CERS3: variants seen among roughly 807,000 people sequenced by gnomAD.
The protein encoded by CERS3 is LAG1 homolog, ceramide synthase 3.
In CERS3, 33 loss-of-function variants were observed where a neutral mutation model predicts 50.3. That is an observed-to-expected ratio of 0.66 (90% CI 0.50 to 0.88). The LOEUF (loss-of-function observed/expected upper bound fraction) is 0.88. Among genes scored for constraint, CERS3 ranks in the 40% least tolerant of loss-of-function variants. The probability of loss-of-function intolerance (pLI) is 0.00; values close to 1 mark genes in which losing one functional copy is unlikely to be tolerated. For missense variants in CERS3, 470 were observed against 460.3 expected (o/e 1.02, Z -0.19); for synonymous variants, 176 against 155.2 (o/e 1.13, Z -0.99).
chr15:100,413,279 T>C (rs550190347), intron 11 of CERS3, among the ~76,000 whole-genome samples: 1 of 152,270 alleles, frequency 6.6e-6, no homozygotes, highest in East Asian at 1.9e-4. Context: ...AAAAATTCTC[T>C]GGGATTTTAA....
chr15:100,472,794 G>C (rs2035009088), intron 9 of CERS3, 130 bp downstream of exon 9: 1 of 1,020,616 alleles, frequency 9.8e-7, no homozygotes, highest in East Asian at 2.4e-5. Context: ...TGGGAATCTA[G>C]AGATATTCTC....
chr15:100,444,040 C>A (rs2142162118), intron 11 of CERS3, among the ~76,000 whole-genome samples: 1 of 152,272 alleles, frequency 6.6e-6, no homozygotes, highest in South Asian at 2.1e-4. Flanking sequence ...AGCTGAAGTG[C>A]AGGGCTGTGC....
At chr15:100,506,939 G>A (rs1004278787) in intron 2 of CERS3, among the ~76,000 whole-genome samples, 2 of 152,156 alleles carry the variant, frequency 1.3e-5, no homozygotes, top group African/African-American at 4.8e-5. Flanking sequence ...TGCATGGTAT[G>A]TAAATTATAC....
At chr15:100,410,203 G>A (rs2031372146) in intron 11 of CERS3, among the ~76,000 whole-genome samples, 1 of 152,020 alleles carries the variant, frequency 6.6e-6, no homozygotes, top group Admixed American at 6.6e-5. Context: ...ACTCCCTTTG[G>A]TTACACAAAA....
chr15:100,529,946 G>C (rs960930049), upstream of CERS3, among the ~76,000 whole-genome samples: 2 of 152,190 alleles, frequency 1.3e-5, no homozygotes, highest in African/African-American at 4.8e-5. Flanking sequence ...ATTCATTAAA[G>C]CTCCAAAGTT....
At position 100,402,662 on chromosome 15, in the gene CERS3, G is replaced by A. The variant is rs1377899758; in HGVS notation, c.*51C>T. 1.9e-6 allele frequency: 3 copies of A among 1,575,216 alleles called. No individual in the cohort carries two copies. Among genetic ancestry groups the A allele is most frequent in the Non-Finnish European group, 2.6e-6 (3 of 1,160,392 alleles). On this transcript the variant is annotated 3_prime_UTR_variant, in exon 12 of 12. Transcript: ENST00000679737. Reference sequence around the variant, plus strand: ...CGGTGTGGGGCCTGGAAGCCAGGCTGCCAACAGTACTTGCAGCATGCTGTG... The same window carrying A: ...CGGTGTGGGGCCTGGAAGCCAGGCTACCAACAGTACTTGCAGCATGCTGTG...
upstream of CERS3, among the ~76,000 whole-genome samples, chr15:100,533,589 G>A (rs1366179833): frequency 6.5e-5 from 7 of 108,488 alleles, no homozygotes; most frequent in South Asian, 2.9e-4. Context: ...TTTGAGTCTC[G>A]CTCTGTCACC....
rs560899913 is a variant in CERS3, at chr15:100,519,765, G to A, written c.-2+1902C>T. ...AGGTCGATGTTTATGGAGCATGGAG[G>A]TGGAAGAAGAGCAATACTTAGATAT... On this transcript the variant is annotated intron_variant, in intron 2 of 11. Coordinates refer to ENST00000679737, the MANE Select transcript of CERS3 (RefSeq NM_001378789.1). Among the ~76,000 whole-genome samples the A allele has an allele frequency of 2.4e-4, 36 of 152,354 alleles. No individual in the cohort carries two copies. The South Asian group carries it at 7.2e-3, about 31-fold the overall frequency.
At position 100,521,658 on chromosome 15, in the gene CERS3, G is replaced by A. The variant is rs1567680750; in HGVS notation, c.-2+9C>T. The A allele has an allele frequency of 6.6e-6, 1 of 151,934 alleles. No individual in the cohort carries two copies. The highest frequency in any genetic ancestry group is 1.9e-4 in the East Asian group (1 of 5,200). 9.4% of individuals were successfully genotyped at this position (151,934 alleles called of 1,614,324 possible). The stretch of plus-strand genomic sequence containing the variant: ...TAGAGGTAAAATAAAATAAAATAAA[G>A]ATAATTACCTGAGTATATATGATAG... On this transcript the variant is annotated intron_variant, in intron 2 of 11. Transcript: ENST00000679737.
chr15:100,412,571 T>A lies in CERS3; in HGVS notation c.1000-9706A>T, dbSNP rs148116070. Among the ~76,000 whole-genome samples the A allele has an allele frequency of 4.3e-3, 659 of 152,288 alleles. 5 individuals are homozygous for A. The highest frequency in any genetic ancestry group is 0.014 in the African/African-American group (601 of 41,558). ...CCTGTGAAGTTTGAATCCAAGTTGC[T>A]TAAAACATGACCTTAAGATCAGTTT... is the stretch of plus-strand genomic sequence containing the variant. On this transcript the variant is annotated intron_variant, in intron 11 of 11. Transcript: ENST00000679737.
intron 10 of CERS3, among the ~76,000 whole-genome samples, chr15:100,465,820 G>A (rs140348850): frequency 0.012 from 1,782 of 152,062 alleles, 32 homozygotes; most frequent in African/African-American, 0.039. Flanking sequence ...CATCACACCC[G>A]GCTAATTTTT....
At chr15:100,476,053 T>G in intron 8 of CERS3, 33 bp downstream of exon 8, 1 of 1,440,888 alleles carries the variant, frequency 6.9e-7, no homozygotes, top group South Asian at 1.3e-5. Flanking sequence ...TTTGAAGAAA[T>G]TGATAAAGAA....
intron 10 of CERS3, among the ~76,000 whole-genome samples, chr15:100,467,893 A>ATAGATG (rs2034836511): frequency 1.7e-5 from 1 of 60,206 alleles, no homozygotes; most frequent in Non-Finnish European, 5.2e-5. Context: ...AGATATAGAT[A>ATAGATG]TAGATATATT....
intron 11 of CERS3, among the ~76,000 whole-genome samples, chr15:100,432,393 A>T (rs534532871): frequency 2.0e-5 from 3 of 152,214 alleles, no homozygotes; most frequent in South Asian, 4.1e-4. Context: ...ACGAAAAACC[A>T]CTCTCAGCAC....
At chr15:100,503,972 G>A in intron 2 of CERS3, 1 of 328,524 alleles carries the variant, frequency 3.0e-6, no homozygotes, top group Non-Finnish European at 6.1e-6. Flanking sequence ...AGGCCCGAGG[G>A]TAATGGGAAG....
chr15:100,475,226 A>G (rs1291116578), intron 8 of CERS3, among the ~76,000 whole-genome samples: 1 of 152,216 alleles, frequency 6.6e-6, no homozygotes, highest in African/African-American at 2.4e-5. Flanking sequence ...ATACTTTCAC[A>G]GTATGTGCTT....
chr15:100,467,848 T>TAG (rs1567640073), intron 10 of CERS3, among the ~76,000 whole-genome samples: 5,232 of 80,910 alleles, frequency 0.065, 261 homozygotes, highest in Middle Eastern at 0.15. Context: ...TATATATATA[T>TAG]ATATAGATAG....
chr15:100,423,128 G>A (rs1437089584), intron 11 of CERS3, among the ~76,000 whole-genome samples: 1 of 151,230 alleles, frequency 6.6e-6, no homozygotes, highest in East Asian at 1.9e-4. Flanking sequence ...ACAGATTTTG[G>A]CAATGTGATG....
chr15:100,448,310 G>T (rs1323129891), intron 11 of CERS3, among the ~76,000 whole-genome samples: 2 of 152,156 alleles, frequency 1.3e-5, no homozygotes, highest in South Asian at 2.1e-4. Context: ...ATTCAACAGA[G>T]AAGTGACAGG....
Sources: allele counts gnomAD v4.1 joint callset (sites outside exome capture counted in the v4.1 genomes callset), GRCh38; gene constraint gnomAD v4.1.1; transcripts MANE v1.5; gene names NCBI Gene and HGNC (gene_info 2026-07-23, HGNC 2026-07-21).